Variants in HOMER2 observed in about 807,000 individuals in gnomAD.
The protein encoded by HOMER2 is homer protein homolog 2.
Under a neutral mutation model 47.0 loss-of-function variants are expected in HOMER2, and 27 were observed. The observed-to-expected ratio is 0.57, with a 90% CI of 0.42 to 0.79. The LOEUF (loss-of-function observed/expected upper bound fraction) is 0.79. Among genes scored for constraint, HOMER2 ranks in the 30% least tolerant of loss-of-function variants. The pLI, the probability that HOMER2 is intolerant of heterozygous loss-of-function variation, is 0.00. For synonymous variants in HOMER2, 161 were observed against 163.8 expected, an observed-to-expected ratio of 0.98 and a Z score of 0.13; for missense variants, 443 against 435.0, an observed-to-expected ratio of 1.02 and a Z score of -0.16.
chr15:82,869,230 C>T (rs1012450121), intron 3 of HOMER2, among the ~76,000 whole-genome samples: 3 of 152,048 alleles, frequency 2.0e-5, no homozygotes, highest in African/African-American at 4.8e-5. Flanking sequence ...AAGAACCTTC[C>T]CAGGTGGAGC....
chr15:82,939,123 G>A (rs922601133), intron 1 of HOMER2, among the ~76,000 whole-genome samples: 2 of 152,140 alleles, frequency 1.3e-5, no homozygotes, highest in Non-Finnish European at 2.9e-5. Flanking sequence ...TACTTGCTAT[G>A]GATAGCCTGG....
chr15:82,908,301 A>G (rs569779393), intron 1 of HOMER2, among the ~76,000 whole-genome samples: 2 of 152,350 alleles, frequency 1.3e-5, no homozygotes, highest in Admixed American at 6.5e-5. Flanking sequence ...TTATATCTCA[A>G]TAAAGCTTTA....
exon 2 of HOMER2, chr15:82,839,495 C>G (rs1374322217): frequency 3.3e-5 from 5 of 152,234 alleles, no homozygotes; most frequent in Non-Finnish European, 4.4e-5. Context: ...TGAAAGATTT[C>G]TGTTGACTTA....
Position 82,852,483 on chromosome 15 carries a change from C to T in HOMER2, c.652-231G>A, listed in dbSNP as rs1226975302. On this transcript the variant is annotated intron_variant, in intron 6 of 8. Coordinates refer to ENST00000450735, the MANE Select transcript of HOMER2 (RefSeq NM_004839.4). ...ATGATGCCTTACCAGAGGCATCTTA[C>T]CAGCAGAGCCAAATAAGTAATAAAG... The T allele has an allele frequency of 6.8e-6, 3 of 440,188 alleles. No individual in the cohort carries two copies. In the Admixed American group the frequency reaches 1.2e-4, roughly 18 times the overall value. 27.3% of individuals were successfully genotyped at this position (440,188 alleles called of 1,614,324 possible).
Position 82,851,183 on chromosome 15 carries a change from A to C in HOMER2, c.811T>G (p.Ser271Ala), listed in dbSNP as rs1474711662. 4 of 1,576,162 alleles carry C rather than the reference A, an allele frequency of 2.5e-6. No individual in the cohort carries two copies. Among genetic ancestry groups the C allele is most frequent in the Non-Finnish European group, 3.5e-6 (4 of 1,159,142 alleles). The change falls in exon 8 of 9, where the codon TCA (serine) becomes GCA (alanine). Residue 271 changes from serine (S) to alanine (A), a missense_variant. By Grantham distance (99) the Ser-to-Ala change is moderately conservative. Coordinates refer to ENST00000450735, the MANE Select transcript of HOMER2 (RefSeq NM_004839.4). ...TTCTCAGAGACATATTCGCACTCTGACATGAGCTGAGGTATGATTTCACTT... is the reference window on the plus strand; with the variant it reads ...TTCTCAGAGACATATTCGCACTCTGCCATGAGCTGAGGTATGATTTCACTT... ...KQSEIIPQLM[S>A]ECEYVSEKLE... is the part of the protein sequence containing the mutation.
rs1366452112 is a variant in HOMER2 at position 82,914,233 on chromosome 15, C to T, written c.6-21392G>A. ...CACACACACACACACACACAATTAGCCAGGCATGGTGGTGGGCACCTGTAG... is the reference window on the plus strand; with the variant it reads ...CACACACACACACACACACAATTAGTCAGGCATGGTGGTGGGCACCTGTAG... On this transcript the variant is annotated intron_variant, in intron 1 of 8. Coordinates refer to ENST00000450735, the MANE Select transcript of HOMER2 (RefSeq NM_004839.4). Among the ~76,000 whole-genome samples, 10 of 135,926 alleles carry T rather than the reference C, an allele frequency of 7.4e-5. No individual in the cohort carries two copies. In the South Asian group the frequency reaches 2.4e-3, roughly 32 times the overall value. The allele number at this position is 135,926 out of a possible 152,430, so 89.2% of individuals were successfully genotyped here. A position where few individuals can be genotyped will look rare whatever the true frequency, so the allele number is the denominator to read the frequency against.
chr15:82,960,423 T>G (rs2054620529), intron 1 of HOMER2, among the ~76,000 whole-genome samples: 1 of 152,050 alleles, frequency 6.6e-6, no homozygotes, highest in South Asian at 2.1e-4. Context: ...GAGGGTGATA[T>G]TGAGGGAATC....
intron 1 of HOMER2, among the ~76,000 whole-genome samples, chr15:82,908,619 A>G (rs1177741234): frequency 2.0e-5 from 3 of 152,106 alleles, no homozygotes; most frequent in Non-Finnish European, 4.4e-5. Flanking sequence ...TACATACTCA[A>G]TGTCCACATT....
intron 1 of HOMER2, among the ~76,000 whole-genome samples, chr15:82,973,510 C>T (rs578092840): frequency 2.0e-5 from 3 of 152,222 alleles, no homozygotes; most frequent in South Asian, 4.2e-4. Context: ...AATGGTAGCG[C>T]TAGTAGTCTT....
At chr15:82,839,308 T>G (rs552986568) in exon 2 of HOMER2, 2 of 152,254 alleles carry the variant, frequency 1.3e-5, no homozygotes, top group South Asian at 4.2e-4. Context: ...TCCCTAAGCA[T>G]GGGGTTGCCC....
intron 1 of HOMER2, among the ~76,000 whole-genome samples, chr15:82,897,782 A>ATGC (rs2052981996): frequency 6.6e-6 from 1 of 152,216 alleles, no homozygotes; most frequent in Admixed American, 6.5e-5. Flanking sequence ...AGGAATGGAA[A>ATGC]TTCAGCCAAC....
At chr15:82,882,692 G>A (rs192662918) in intron 2 of HOMER2, among the ~76,000 whole-genome samples, 8 of 152,172 alleles carry the variant, frequency 5.3e-5, no homozygotes, top group Non-Finnish European at 1.0e-4. Context: ...CAGGTAGAGC[G>A]TGACACATGC....
At chr15:82,922,879 C>T (rs2053766094) in intron 1 of HOMER2, among the ~76,000 whole-genome samples, 1 of 152,194 alleles carries the variant, frequency 6.6e-6, no homozygotes, top group Admixed American at 6.5e-5. Flanking sequence ...TTCCGAGGAG[C>T]TGTGCCTTCC....
At position 82,854,695 on chromosome 15, in the gene HOMER2, C is replaced by A; in HGVS notation, c.600G>T (p.Trp200Cys). The change falls in exon 6 of 9, where the codon TGG (tryptophan) becomes TGT (cysteine). Residue 200 changes from tryptophan to cysteine, a missense_variant. By Grantham distance (215) the Trp-to-Cys change is radical. Transcript: ENST00000450735. The part of the protein sequence containing the change: ...LQESAASVEQ[W>C]KRQFSICRDE... Reference sequence around the variant, plus strand: ...CACGGCAGATGGAGAACTGCCTCTTCCACTGCTCCACACTGGCTGCCGACT... The same window carrying A: ...CACGGCAGATGGAGAACTGCCTCTTACACTGCTCCACACTGGCTGCCGACT... 1 of 1,613,128 alleles carries A rather than the reference C, an allele frequency of 6.2e-7. No individual in the cohort carries two copies. The highest frequency in any genetic ancestry group is 8.5e-7 in the Non-Finnish European group (1 of 1,179,882).
upstream of HOMER2, chr15:82,986,019 C>T: frequency 1.0e-6 from 1 of 975,714 alleles, no homozygotes; most frequent in Non-Finnish European, 1.2e-6. Flanking sequence ...TGCCCAGCCA[C>T]CAGGCAGGCT....
chr15:82,940,891 G>C (rs1225245927), intron 1 of HOMER2, among the ~76,000 whole-genome samples: 1 of 149,828 alleles, frequency 6.7e-6, no homozygotes, highest in African/African-American at 2.5e-5. Context: ...GCAAGACCCT[G>C]TTCCAAAAAA....
chr15:82,946,432 T>C (rs1178196399), intron 1 of HOMER2, among the ~76,000 whole-genome samples: 4 of 152,204 alleles, frequency 2.6e-5, no homozygotes, highest in Non-Finnish European at 4.4e-5. Flanking sequence ...GCTCCAGCCA[T>C]ACTAGCTTCC....
At chr15:82,905,315 G>A (rs1313490502) in intron 1 of HOMER2, among the ~76,000 whole-genome samples, 3 of 146,408 alleles carry the variant, frequency 2.0e-5, no homozygotes, top group Non-Finnish European at 4.5e-5. Flanking sequence ...GAATAGCCAA[G>A]AACTGTGGGA....
intron 1 of HOMER2, among the ~76,000 whole-genome samples, chr15:82,984,494 A>C (rs901349971): frequency 6.6e-6 from 1 of 152,218 alleles, no homozygotes; most frequent in African/African-American, 2.4e-5. Context: ...TCATTCCACA[A>C]ACATTTATTC....
Sources: gnomAD v4.1 joint callset for allele counts (sites outside exome capture counted in the v4.1 genomes callset) on GRCh38, gnomAD v4.1.1 for gene constraint, MANE v1.5 for transcripts, NCBI Gene and HGNC (gene_info 2026-07-23, HGNC 2026-07-21) for gene names.